The following ST7L variants were observed in gnomAD, a reference collection of about 807,000 sequenced individuals.
ST7L encodes the protein suppression of tumorigenicity 7 like.
In ST7L, 57 loss-of-function variants were observed where a neutral mutation model predicts 72.5. The observed-to-expected ratio is 0.79, with a 90% CI of 0.64 to 0.98. The LOEUF is 0.98. Among genes scored for constraint, ST7L ranks in the 50% least tolerant of loss-of-function variants. The probability of loss-of-function intolerance (pLI) is 0.00; values close to 1 mark genes in which losing one functional copy is unlikely to be tolerated. For missense variants in ST7L, 576 were observed against 672.2 expected, an observed-to-expected ratio of 0.86 and a Z score of 1.58; for synonymous variants, 221 against 240.9, an observed-to-expected ratio of 0.92 and a Z score of 0.77.
chr1:112,585,375 T>C (rs755954466), intron 6 of ST7L, among the ~76,000 whole-genome samples: 2 of 152,216 alleles, frequency 1.3e-5, no homozygotes, highest in Non-Finnish European at 2.9e-5. Context: ...GCACAACGAA[T>C]TTTGAAGACT....
intron 12 of ST7L, among the ~76,000 whole-genome samples, chr1:112,553,875 A>C (rs1434491638): frequency 1.3e-5 from 2 of 152,104 alleles, no homozygotes; most frequent in African/African-American, 4.8e-5. Context: ...AATTATTCTT[A>C]TTATTATTTT....
At chr1:112,592,219 T>G (rs1226713727) in intron 5 of ST7L, among the ~76,000 whole-genome samples, 1 of 152,162 alleles carries the variant, frequency 6.6e-6, no homozygotes, top group Non-Finnish European at 1.5e-5. Context: ...TGTACCAAAA[T>G]GAAGACTTCA....
At chr1:112,519,377 G>A (rs1042712148), downstream of ST7L, among the ~76,000 whole-genome samples, 5 of 152,170 alleles carry the variant, frequency 3.3e-5, no homozygotes, top group Non-Finnish European at 7.3e-5. Flanking sequence ...GTAGAAATCA[G>A]TTAATCTATT....
At chr1:112,558,533 T>C (rs1659563718) in intron 11 of ST7L, among the ~76,000 whole-genome samples, 1 of 152,370 alleles carries the variant, frequency 6.6e-6, no homozygotes, top group African/African-American at 2.4e-5. Flanking sequence ...CCATCTTTAA[T>C]TACTCTTACT....
In ST7L at chr1:112,550,520, C is replaced by G. The variant is rs749537708; in HGVS notation, c.1489+81G>C. 9 of 1,052,134 alleles carry G rather than the reference C, an allele frequency of 8.6e-6. No individual in the cohort carries two copies. The East Asian group carries it at 2.3e-4, about 27-fold the overall frequency. 65.2% of individuals were successfully genotyped at this position (1,052,134 alleles called of 1,614,324 possible). ...CAGTGTCCTGAATTTAAACCAAAGG[C>G]ATTTTTAAAATGGAGAATACTATGA... is the stretch of plus-strand genomic sequence containing the variant. On this transcript the variant is annotated intron_variant, in intron 13 of 14. Transcript: ENST00000358039.
intron 2 of ST7L, among the ~76,000 whole-genome samples, chr1:112,616,506 G>A (rs545348236): frequency 6.6e-6 from 1 of 152,306 alleles, no homozygotes; most frequent in South Asian, 2.1e-4. Flanking sequence ...ACTTTGGGAG[G>A]ACAAGGCAGG....
At position 112,589,730 on chromosome 1, in the gene ST7L, C is replaced by G. The variant is rs186760648; in HGVS notation, c.701+1795G>C. Among the ~76,000 whole-genome samples, 17 of 152,346 alleles carry G rather than the reference C, an allele frequency of 1.1e-4. No homozygotes were observed. In the East Asian group the frequency reaches 3.3e-3, roughly 29 times the overall value. Reference sequence around the variant, plus strand: ...AAGCAAAAGTATTTGCAGATGGGCTCTGTGTGGGTGCTAGGGCACACCTTC... The same window carrying G: ...AAGCAAAAGTATTTGCAGATGGGCTGTGTGTGGGTGCTAGGGCACACCTTC... On this transcript the variant is annotated intron_variant, in intron 6 of 14. Coordinates refer to ENST00000358039, the MANE Select transcript of ST7L (RefSeq NM_017744.5).
At chr1:112,583,651 G>T (rs968143458) in intron 7 of ST7L, among the ~76,000 whole-genome samples, 1 of 152,152 alleles carries the variant, frequency 6.6e-6, no homozygotes, top group Admixed American at 6.5e-5. Flanking sequence ...TCACTAGAAG[G>T]CTCTCCTGAA....
At chr1:112,533,056 A>ATT (rs1179459585) in intron 14 of ST7L, among the ~76,000 whole-genome samples, 2 of 152,276 alleles carry the variant, frequency 1.3e-5, no homozygotes, top group Non-Finnish European at 2.9e-5. Flanking sequence ...ATATTGAAAC[A>ATT]TAAGGTATAC....
chr1:112,533,505 C>A (rs757978802), intron 14 of ST7L, among the ~76,000 whole-genome samples: 6 of 151,828 alleles, frequency 4.0e-5, no homozygotes, highest in Non-Finnish European at 8.8e-5. Flanking sequence ...TTAGTAGAGA[C>A]GCGGTTTCAC....
intron 12 of ST7L, among the ~76,000 whole-genome samples, chr1:112,552,297 G>T (rs1658344611): frequency 6.6e-6 from 1 of 152,088 alleles, no homozygotes; most frequent in Non-Finnish European, 1.5e-5. Context: ...AATGTTGAAT[G>T]AAACAACATT....
chr1:112,585,230 C>CTCT (rs1664693625), intron 6 of ST7L, among the ~76,000 whole-genome samples: 1 of 152,210 alleles, frequency 6.6e-6, no homozygotes, highest in African/African-American at 2.4e-5. Context: ...ACAAATCCAT[C>CTCT]TCTTCTACAG....
At chr1:112,589,646 T>C (rs772068785) in intron 6 of ST7L, among the ~76,000 whole-genome samples, 4 of 152,214 alleles carry the variant, frequency 2.6e-5, no homozygotes, top group Non-Finnish European at 5.9e-5. Flanking sequence ...TCGTGGTCAG[T>C]TGGTGATTTG....
chr1:112,537,671 A>G (rs1655432789), intron 14 of ST7L, among the ~76,000 whole-genome samples: 1 of 152,102 alleles, frequency 6.6e-6, no homozygotes, highest in South Asian at 2.1e-4. Context: ...CTTAAAAGCA[A>G]TTTTTCCTTT....
intron 11 of ST7L, among the ~76,000 whole-genome samples, chr1:112,575,965 A>G (rs1663032880): frequency 6.6e-6 from 1 of 152,210 alleles, no homozygotes; most frequent in Non-Finnish European, 1.5e-5. Flanking sequence ...TCTTTACTGT[A>G]GCTCTTTAGC....
intron 6 of ST7L, among the ~76,000 whole-genome samples, chr1:112,584,490 C>T (rs1664594002): frequency 6.6e-6 from 1 of 151,780 alleles, no homozygotes; most frequent in Non-Finnish European, 1.5e-5. Flanking sequence ...ACTGGTCATA[C>T]CTGCTTTTTT....
At chr1:112,593,932 C>T (rs1034343068) in intron 5 of ST7L, among the ~76,000 whole-genome samples, 15 of 152,088 alleles carry the variant, frequency 9.9e-5, no homozygotes, top group African/African-American at 3.4e-4. Flanking sequence ...ATGGAATCAA[C>T]AGTCCATTTC....
At chr1:112,612,220 C>T (rs1212484539) in intron 2 of ST7L, among the ~76,000 whole-genome samples, 1 of 152,014 alleles carries the variant, frequency 6.6e-6, no homozygotes. Flanking sequence ...ACCTCAGCCT[C>T]CCGTGTAGCT....
chr1:112,556,145 C>T, intron 11 of ST7L, 127 bp from the exon 12 acceptor site: 1 of 710,244 alleles, frequency 1.4e-6, no homozygotes, highest in Non-Finnish European at 2.0e-6. Flanking sequence ...TTTTAAAAAA[C>T]TAACTGAAAT....
Sources: gnomAD v4.1 joint callset for allele counts (sites outside exome capture counted in the v4.1 genomes callset) on GRCh38, gnomAD v4.1.1 for gene constraint, MANE v1.5 for transcripts, NCBI Gene and HGNC (gene_info 2026-07-23, HGNC 2026-07-21) for gene names.